The following MINK1 variants were observed in gnomAD, a reference collection of about 807,000 sequenced individuals.
MINK1 encodes the protein misshapen-like kinase 1.
Under a neutral mutation model 178.4 loss-of-function variants are expected in MINK1, and 46 were observed. That is an observed-to-expected ratio of 0.26 (90% confidence interval 0.20 to 0.33). The LOEUF (loss-of-function observed/expected upper bound fraction) is 0.33, where lower values mean the gene tolerates loss of function less well. Among genes scored for constraint, MINK1 ranks in the 10% least tolerant of loss-of-function variants. The pLI, the probability that MINK1 is intolerant of heterozygous loss-of-function variation, is 1.00. For synonymous variants in MINK1, 797 were observed against 709.7 expected (o/e 1.12, Z -1.96); for missense variants, 1,366 against 1,814.9 (o/e 0.75, Z 4.49).
intron 2 of MINK1, among the ~76,000 whole-genome samples, chr17:4,880,284 T>C (rs1484706297): frequency 6.6e-6 from 1 of 151,600 alleles, no homozygotes; most frequent in Non-Finnish European, 1.5e-5. Context: ...TGAGGGGTAC[T>C]TGCTTTTTTT....
At position 4,893,440 on chromosome 17, in the gene MINK1, G is replaced by A; in HGVS notation, c.2407G>A (p.Val803Met). 2 of 1,595,328 alleles carry A rather than the reference G, an allele frequency of 1.3e-6. No individual in the cohort carries two copies. Among genetic ancestry groups the A allele is most frequent in the Non-Finnish European group, 1.7e-6 (2 of 1,164,958 alleles). The change falls in exon 21 of 32, where the codon GTG becomes ATG. Residue 803 changes from valine to methionine, a missense_variant. Transcript: ENST00000355280. ...RSRPGRPADF[V>M]LLKERTLDEA... is the part of the protein sequence containing the mutation. ...ACGTGGCTCCTCCCTGCAGGACTTT[G>A]TGTTGCTGAAAGAGCGGACTCTGGA... is the stretch of plus-strand genomic sequence containing the variant.
chr17:4,896,366 G>A lies in MINK1; in HGVS notation c.3615+24G>A, dbSNP rs1303620112. On this transcript the variant is annotated intron_variant, in intron 29 of 31. Transcript: ENST00000355280. This position sits in a 1 kb window ranked among gnomAD's most constrained non-coding sequence, Gnocchi z 4.6. ...ACGTGAGCTTGGCGGGGCTGCTGGG[G>A]GAGTGGGATGGCCCAGTCTGGGCAC... 6.2e-7 allele frequency: 1 copy of A among 1,603,452 alleles called. No homozygotes were observed. Among genetic ancestry groups the A allele is most frequent in the South Asian group, 1.1e-5 (1 of 89,384 alleles).
chr17:4,873,221 T>A (rs1328673300), intron 1 of MINK1, among the ~76,000 whole-genome samples: 2 of 152,228 alleles, frequency 1.3e-5, no homozygotes, highest in Non-Finnish European at 2.9e-5. Flanking sequence ...CTCCAACTCT[T>A]ACACTCACGA....
intron 15 of MINK1, 84 bp downstream of exon 15, chr17:4,891,208 A>C (rs765046634): frequency 4.9e-5 from 44 of 898,752 alleles, no homozygotes; most frequent in Middle Eastern, 3.7e-4. Context: ...GCGCACACAC[A>C]CACACACACA....
At chr17:4,856,891 G>A (rs147821919) in intron 1 of MINK1, 156 of 162,766 alleles carry the variant, frequency 9.6e-4, no homozygotes, top group Non-Finnish European at 1.6e-3. Context: ...TGTTTGTTCC[G>A]GAATGAGGAG....
chr17:4,869,075 C>T (rs968971527), intron 1 of MINK1, among the ~76,000 whole-genome samples: 1 of 151,924 alleles, frequency 6.6e-6, no homozygotes, highest in Non-Finnish European at 1.5e-5. Flanking sequence ...AGGCGCCAGC[C>T]ACCACGCCCG....
chr17:4,896,509 C>T lies in MINK1; in HGVS notation c.3696C>T (p.Asp1232=), dbSNP rs374436352. 30 of 1,613,818 alleles carry T rather than the reference C, an allele frequency of 1.9e-5. No individual in the cohort carries two copies. In the African/African-American group the frequency reaches 2.3e-4, roughly 12 times the overall value. The change falls in exon 30 of 32, where the codon GAC becomes GAT. Residue 1232 remains aspartate, a synonymous_variant. Coordinates refer to ENST00000355280, the MANE Select transcript of MINK1 (RefSeq NM_153827.5). This position sits in a 1 kb window ranked among gnomAD's most constrained non-coding sequence, Gnocchi z 4.6. The stretch of plus-strand genomic sequence containing the variant: ...TGGAGATGCTGCTGTGCTACGAGGA[C>T]GAGGGTGTCTACGTCAACACGTACG... ...DGMEMLLCYE[D]EGVYVNTYGR...
intron 2 of MINK1, among the ~76,000 whole-genome samples, chr17:4,880,274 T>C (rs1420168139): frequency 6.6e-6 from 1 of 151,636 alleles, no homozygotes; most frequent in African/African-American, 2.4e-5. Context: ...GTAGCCACAA[T>C]GAGGGGTACT....
intron 1 of MINK1, chr17:4,857,493 G>GTGTCACTCTGTAGCCCAAGCTGGAA (rs1300687840): frequency 7.6e-6 from 1 of 130,990 alleles, no homozygotes; most frequent in Non-Finnish European, 1.6e-5. Context: ...TTGAGATGGA[G>GTGTCACTCTGTAGCCCAAGCTGGAA]TGTCACTCTG....
Position 4,896,964 on chromosome 17 carries a change from C to T in MINK1, c.3915+151C>T. On this transcript the variant is annotated intron_variant, in intron 31 of 31. Coordinates refer to ENST00000355280, the MANE Select transcript of MINK1 (RefSeq NM_153827.5). This position sits in a 1 kb window ranked among gnomAD's most constrained non-coding sequence, Gnocchi z 4.6. The stretch of plus-strand genomic sequence containing the variant: ...GAGGGCAGTCAGCCACTACCACTGC[C>T]CTGCGCTCCCTTCAGATTCCGAGGA... 3 of 1,116,776 alleles carry T rather than the reference C, an allele frequency of 2.7e-6. No homozygotes were observed. The highest frequency in any genetic ancestry group is 3.8e-6 in the Non-Finnish European group (3 of 799,136). The allele number at this position is 1,116,776 out of a possible 1,614,324, so 69.2% of individuals were successfully genotyped here.
intron 1 of MINK1, among the ~76,000 whole-genome samples, chr17:4,873,092 C>G (rs1286831540): frequency 2.6e-5 from 4 of 152,164 alleles, no homozygotes; most frequent in Non-Finnish European, 5.9e-5. Flanking sequence ...GCATTCGAGG[C>G]CATCACTCCC....
chr17:4,867,138 GTTTTTTTTTTTTTTT>G (rs759995957), intron 1 of MINK1, among the ~76,000 whole-genome samples: 1 of 64,914 alleles, frequency 1.5e-5, no homozygotes, highest in Non-Finnish European at 2.8e-5. Context: ...TCTTAGGACT[GTTTTTTTTTTTTTTT>G]TTTTTTTTTT....
chr17:4,895,172 C>G lies in MINK1; in HGVS notation c.3015C>G (p.His1005Gln). 1.2e-6 allele frequency: 2 copies of G among 1,614,092 alleles called. No individual in the cohort carries two copies. Among genetic ancestry groups the G allele is most frequent in the Non-Finnish European group, 1.7e-6 (2 of 1,180,006 alleles). The change falls in exon 25 of 32, where the codon CAC (histidine) becomes CAG (glutamine). Residue 1005 changes from histidine (H) to glutamine (Q), a missense_variant. Physicochemically the swap from His to Gln is conservative, Grantham distance 24 (BLOSUM62 0). Around this residue, in one of 14 missense-constraint regions of MINK1, gnomAD observed 42 missense variants for 64.0 expected, o/e 0.66. Transcript: ENST00000355280. This position sits in a 1 kb window ranked among gnomAD's most constrained non-coding sequence, Gnocchi z 4.3. ...VNVNPTNTRAHSETPEIRKYK... is the reference protein window; with the variant it reads ...VNVNPTNTRAQSETPEIRKYK... Reference sequence around the variant, plus strand: ...TGAATCCCACCAACACCCGGGCCCACAGTGAGACCCCTGAGATCCGGAAGT... The same window carrying G: ...TGAATCCCACCAACACCCGGGCCCAGAGTGAGACCCCTGAGATCCGGAAGT...
intron 12 of MINK1, among the ~76,000 whole-genome samples, chr17:4,888,515 A>G (rs1968436955): frequency 6.6e-6 from 1 of 151,098 alleles, no homozygotes; most frequent in African/African-American, 2.4e-5. Flanking sequence ...GCACGCGCCT[A>G]TAGTTCCAGC....
Position 4,883,858 on chromosome 17 carries a change from C to T in MINK1, c.307-505C>T, listed in dbSNP as rs143475905. 1.5e-3 allele frequency among the ~76,000 whole-genome samples: 231 copies of T among 151,770 alleles called. 1 individual carries two copies. Among genetic ancestry groups the T allele is most frequent in the African/African-American group, 5.4e-3 (224 of 41,376 alleles). On this transcript the variant is annotated intron_variant, in intron 4 of 31. Transcript: ENST00000355280. ...CAGCCATAAAGCAGTAGTTCTTAAC[C>T]GCTGTAGGGTTTGGAATCCCAATGA...
chr17:4,895,360 G>A lies in MINK1; in HGVS notation c.3096G>A (p.Leu1032=), dbSNP rs1969340725. ...ILCAALWGVN[L]LVGTENGLML... is the part of the protein sequence containing the mutation. ...GGGCTCCTGTTGCAGGGGTCAACCT[G>A]CTGGTGGGCACGGAGAACGGGCTGA... is the stretch of plus-strand genomic sequence containing the variant. Residue 1032 remains leucine (L), a synonymous_variant, in exon 26 of 32, where the codon CTG becomes CTA. Transcript: ENST00000355280. This position sits in a 1 kb window ranked among gnomAD's most constrained non-coding sequence, Gnocchi z 4.3. 9 of 1,605,788 alleles carry A rather than the reference G, an allele frequency of 5.6e-6. No individual in the cohort carries two copies. The highest frequency in any genetic ancestry group is 1.7e-4 in the Middle Eastern group (1 of 6,016).
chr17:4,872,150 T>C (rs1389568533), intron 1 of MINK1, among the ~76,000 whole-genome samples: 2 of 151,088 alleles, frequency 1.3e-5, no homozygotes, highest in African/African-American at 4.9e-5. Context: ...GACAACATGG[T>C]GAAATCCTGT....
Position 4,894,954 on chromosome 17 carries a change from C to G in MINK1, c.2918-121C>G. On this transcript the variant is annotated intron_variant, in intron 24 of 31. Coordinates refer to ENST00000355280, the MANE Select transcript of MINK1 (RefSeq NM_153827.5). This position sits in a 1 kb window ranked among gnomAD's most constrained non-coding sequence, Gnocchi z 4.1. ...CCTCTCCCATGCACCTCCTCTCCTC[C>G]TGTCTTTCTCCTCCTTTCTGCGTAT... 9.0e-7 allele frequency: 1 copy of G among 1,111,624 alleles called. No individual in the cohort carries two copies. Among genetic ancestry groups the G allele is most frequent in the South Asian group, 1.5e-5 (1 of 67,320 alleles). 68.9% of individuals were successfully genotyped at this position (1,111,624 alleles called of 1,614,324 possible). A position where few individuals can be genotyped will look rare whatever the true frequency, so the allele number is the denominator to read the frequency against.
At chr17:4,891,155 A>G (rs2151042082) in intron 15 of MINK1, 31 bp downstream of exon 15, 2 of 1,476,234 alleles carry the variant, frequency 1.4e-6, no homozygotes, top group Non-Finnish European at 1.8e-6. Flanking sequence ...GTCTTAATGA[A>G]GACACAGGGA....
Sources: gnomAD v4.1 joint callset for allele counts (sites outside exome capture counted in the v4.1 genomes callset) on GRCh38, gnomAD v4.1.1 for gene constraint, gnomAD v4.1.1 regional missense constraint, Gnocchi (gnomAD v3.1) non-coding constraint, MANE v1.5 for transcripts, NCBI Gene and HGNC (gene_info 2026-07-23, HGNC 2026-07-21) for gene names.